NPC1: variants seen among roughly 807,000 people sequenced by gnomAD.
The protein encoded by NPC1 is Niemann-Pick C1 protein.
NPC1 carries 85 observed loss-of-function variants against 140.4 expected under a neutral mutation model. The observed-to-expected ratio is 0.61, with a 90% CI of 0.51 to 0.72. The LOEUF (loss-of-function observed/expected upper bound fraction) is 0.72, where lower values mean the gene tolerates loss of function less well. Among genes scored for constraint, NPC1 ranks in the 30% least tolerant of loss-of-function variants. The pLI is 0.00. For missense variants in NPC1, 1,504 were observed against 1,623.8 expected, an observed-to-expected ratio of 0.93 and a Z score of 1.27; for synonymous variants, 656 against 624.8, an observed-to-expected ratio of 1.05 and a Z score of -0.74.
chr18:23,572,997 G>A (rs2059225213), intron 2 of NPC1, among the ~76,000 whole-genome samples: 2 of 152,196 alleles, frequency 1.3e-5, no homozygotes, highest in Admixed American at 6.5e-5. Flanking sequence ...AAAAGAACAG[G>A]AATCAGAATC....
At position 23,556,295 on chromosome 18, in the gene NPC1, G is replaced by A. The variant is rs140149624; in HGVS notation, c.1274C>T (p.Ser425Leu). ...TDKHIYQPYP[S>L]GADVPFGPPL... ...AGGTCCAAAGGGTACATCAGCTCCC[G>A]AAGGGTATGGCTGGTAAATGTGTTT... Residue 425 changes from serine to leucine, a missense_variant, in exon 8 of 25, where the codon TCG (serine) becomes TTG (leucine). Ser to Leu is a moderately radical substitution (Grantham distance 145). Transcript: ENST00000269228. 44 of 1,613,964 alleles carry A rather than the reference G, an allele frequency of 2.7e-5. No homozygotes were observed. The highest frequency in any genetic ancestry group is 2.7e-4 in the Admixed American group (16 of 59,992).
At chr18:23,564,290 T>C (rs1468554928) in intron 4 of NPC1, among the ~76,000 whole-genome samples, 1 of 152,158 alleles carries the variant, frequency 6.6e-6, no homozygotes, top group Non-Finnish European at 1.5e-5. Flanking sequence ...GGCCAAGAGT[T>C]CTTTATGTAT....
chr18:23,546,203 C>T (rs1439078970), intron 11 of NPC1, among the ~76,000 whole-genome samples: 7 of 120,332 alleles, frequency 5.8e-5, no homozygotes, highest in Non-Finnish European at 8.0e-5. Context: ...GAGCTGAGAT[C>T]ATGCCACTGC....
At chr18:23,543,614 ATAACAACGCCATTTC>A (rs780640030) in intron 13 of NPC1, 45 bp from the exon 14 acceptor site, 2 of 1,137,488 alleles carry the variant, frequency 1.8e-6, no homozygotes, top group South Asian at 2.5e-5. Flanking sequence ...AAATTTCTCA[ATAACAACGCCATTTC>A]TTGCTGCCTT....
intron 23 of NPC1, chr18:23,534,222 T>C (rs2058589580): frequency 3.3e-6 from 2 of 611,972 alleles, no homozygotes; most frequent in Non-Finnish European, 5.9e-6. Context: ...TGTCTGTTAT[T>C]TTCCTGCTTC....
intron 7 of NPC1, 24 bp downstream of exon 7, chr18:23,557,093 T>TTA: frequency 6.3e-7 from 1 of 1,586,416 alleles, no homozygotes; most frequent in Non-Finnish European, 8.7e-7. Context: ...CTGAACCCTT[T>TTA]TATTCATGGA....
intron 24 of NPC1, among the ~76,000 whole-genome samples, 158 bp from the exon 25 acceptor site, chr18:23,532,442 TCTCTTTTGGAGATGGG>T (rs2058543823): frequency 1.3e-5 from 2 of 152,180 alleles, no homozygotes; most frequent in South Asian, 4.1e-4. Flanking sequence ...TCTCTCTCCC[TCTCTTTTGGAGATGGG>T]CTCTTTGCTT....
At position 23,557,184 on chromosome 18, in the gene NPC1, C is replaced by T. The variant is rs369775984; in HGVS notation, c.888G>A (p.Arg296=). 5 of 1,612,596 alleles carry T rather than the reference C, an allele frequency of 3.1e-6. No homozygotes were observed. The African/African-American group carries it at 4.0e-5, about 13-fold the overall frequency. Residue 296 remains arginine, a synonymous_variant, in exon 7 of 25, where the codon CGG becomes CGA. Transcript: ENST00000269228. ...AFFAVWCYRK[R]YFVSEYTPID... ...TGGGAGTGTACTCGGAGACAAAATA[C>T]CGTTTTCTGAAAAACAGAAGTGAAG... is the stretch of plus-strand genomic sequence containing the variant.
chr18:23,554,955 G>A lies in NPC1; in HGVS notation c.1356C>T (p.Asn452=), dbSNP rs758508630. 2 of 1,613,244 alleles carry A rather than the reference G, an allele frequency of 1.2e-6. No homozygotes were observed. Among genetic ancestry groups the A allele is most frequent in the East Asian group, 2.2e-5 (1 of 44,888 alleles). ...QVLDLQIAIE[N]ITASYDNETV... ...TCTCATTGTCATAAGAGGCAGTAATGTTTTCGATGGCTATTTGTAAGTCAA... is the reference window on the plus strand; with the variant it reads ...TCTCATTGTCATAAGAGGCAGTAATATTTTCGATGGCTATTTGTAAGTCAA... Residue 452 remains asparagine, a synonymous_variant, in exon 9 of 25, where the codon AAC becomes AAT. Coordinates refer to ENST00000269228, the MANE Select transcript of NPC1 (RefSeq NM_000271.5).
chr18:23,572,665 C>T (rs1024456095), intron 2 of NPC1, among the ~76,000 whole-genome samples: 1 of 63,842 alleles, frequency 1.6e-5, no homozygotes, highest in African/African-American at 1.5e-4. Context: ...GAAGCCCCAT[C>T]TCCCCAAATT....
In NPC1 at chr18:23,586,438, C is replaced by T. The variant is rs1340309080; in HGVS notation, c.-95G>A. The T allele has an allele frequency of 5.3e-6, 8 of 1,511,718 alleles. No homozygotes were observed. The East Asian group carries it at 1.5e-4, about 29-fold the overall frequency. The allele number at this position is 1,511,718 out of a possible 1,614,324, so 93.6% of individuals were successfully genotyped here. On this transcript the variant is annotated 5_prime_UTR_variant, in exon 1 of 25. Transcript: ENST00000269228. The stretch of plus-strand genomic sequence containing the variant: ...TTCCCCGGGCTGTTTCAGCACCCCG[C>T]GCAGGAGGAGCGGAGGAGCAGGAGC...
chr18:23,576,402 A>G, intron 1 of NPC1: 2 of 872,922 alleles, frequency 2.3e-6, no homozygotes, highest in Non-Finnish European at 2.7e-6. Context: ...AGCCTGGACA[A>G]CAAAGTGAAA....
At chr18:23,573,634 G>T in intron 1 of NPC1, 60 bp from the exon 2 acceptor site, 6 of 1,605,092 alleles carry the variant, frequency 3.7e-6, no homozygotes, top group Non-Finnish European at 4.3e-6. Flanking sequence ...ATTTCAACAA[G>T]AAGTGCCCAC....
intron 5 of NPC1, 71 bp downstream of exon 5, chr18:23,561,289 C>T: frequency 1.0e-5 from 16 of 1,540,094 alleles, no homozygotes; most frequent in Non-Finnish European, 1.4e-5. Flanking sequence ...TGGTGAGCCA[C>T]TGTGCCCAGC....
At chr18:23,575,925 AAACAAC>A (rs923568728) in intron 1 of NPC1, among the ~76,000 whole-genome samples, 2 of 151,920 alleles carry the variant, frequency 1.3e-5, no homozygotes, top group Admixed American at 6.6e-5. Flanking sequence ...TGTCTCTTAA[AAACAAC>A]AACAACAACA....
In NPC1 at chr18:23,539,472, T is replaced by A; in HGVS notation, c.2796-2A>T. 1 of 1,605,346 alleles carries A rather than the reference T, an allele frequency of 6.2e-7. No homozygotes were observed. The highest frequency in any genetic ancestry group is 8.5e-7 in the Non-Finnish European group (1 of 1,172,778). On this transcript the variant is annotated splice_acceptor_variant, in intron 18 of 24. Transcript: ENST00000269228. LOFTEE classifies it high-confidence loss of function. The stretch of plus-strand genomic sequence containing the variant: ...GAGGGGGCGAAGCCTATTCGGGTAC[T>A]AGAGAGGACAGACAGGGTTACTGAC...
At chr18:23,566,414 C>T (rs1190925213) in intron 4 of NPC1, among the ~76,000 whole-genome samples, 1 of 152,058 alleles carries the variant, frequency 6.6e-6, no homozygotes, top group African/African-American at 2.4e-5. Flanking sequence ...TTCAGAACAA[C>T]TGGCTATGGC....
intron 1 of NPC1, among the ~76,000 whole-genome samples, chr18:23,575,194 C>T (rs1212601090): frequency 2.6e-5 from 4 of 152,220 alleles, no homozygotes; most frequent in Non-Finnish European, 5.9e-5. Context: ...ACAAACAGGA[C>T]GGGTGTCTGG....
intron 10 of NPC1, among the ~76,000 whole-genome samples, chr18:23,548,935 G>A (rs990554864): frequency 6.6e-6 from 1 of 151,940 alleles, no homozygotes; most frequent in African/African-American, 2.4e-5. Flanking sequence ...GACTAAAGGT[G>A]TGCACCACCA....
Sources: allele counts gnomAD v4.1 joint callset (sites outside exome capture counted in the v4.1 genomes callset), GRCh38; gene constraint gnomAD v4.1.1; transcripts MANE v1.5; gene names NCBI Gene and HGNC (gene_info 2026-07-23, HGNC 2026-07-21).